Variants in MEI4 observed in about 807,000 individuals in gnomAD.
MEI4 encodes the protein meiotic double-stranded break formation protein 4, also known as meiosis-specific protein MEI4.
MEI4 carries 27 observed loss-of-function variants against 31.4 expected under a neutral mutation model. That is an observed-to-expected ratio of 0.86 (90% CI 0.63 to 1.19). The LOEUF (loss-of-function observed/expected upper bound fraction) is 1.19. Ranked by LOEUF, MEI4 falls within the 50% of genes most tolerant of loss-of-function variation. The pLI, the probability that MEI4 is intolerant of heterozygous loss-of-function variation, is 0.00. For synonymous variants in MEI4, 122 were observed against 145.4 expected, an observed-to-expected ratio of 0.84 and a Z score of 1.16; for missense variants, 329 against 398.9, an observed-to-expected ratio of 0.82 and a Z score of 1.49.
intron 4 of MEI4, among the ~76,000 whole-genome samples, chr6:77,898,551 T>C (rs1389532637): frequency 6.6e-6 from 1 of 152,098 alleles, no homozygotes; most frequent in African/African-American, 2.4e-5. Context: ...AAATATTTTC[T>C]TTCACTTATT....
intron 4 of MEI4, among the ~76,000 whole-genome samples, chr6:77,910,959 C>A (rs1288441008): frequency 3.4e-5 from 5 of 148,380 alleles, no homozygotes; most frequent in Non-Finnish European, 7.4e-5. Context: ...TTAATCATAG[C>A]CATTCTAACT....
At chr6:77,869,699 A>T (rs1324699921) in intron 4 of MEI4, among the ~76,000 whole-genome samples, 1 of 152,162 alleles carries the variant, frequency 6.6e-6, no homozygotes, top group Non-Finnish European at 1.5e-5. Context: ...CACAGTTAGG[A>T]TGGACCTCTC....
chr6:77,794,174 T>C (rs1769015467), intron 3 of MEI4, among the ~76,000 whole-genome samples: 2 of 152,262 alleles, frequency 1.3e-5, no homozygotes, highest in East Asian at 3.9e-4. Flanking sequence ...GACAAAAGAA[T>C]CTTTTATTCT....
chr6:77,706,350 A>T (rs570683970), intron 2 of MEI4, among the ~76,000 whole-genome samples: 1 of 152,278 alleles, frequency 6.6e-6, no homozygotes, highest in Non-Finnish European at 1.5e-5. Context: ...AAATCCAAAC[A>T]GACAGGCCTT....
Position 77,923,172 on chromosome 6 carries a change from CG to C in MEI4, c.985del (p.Glu329LysfsTer8). The C allele has an allele frequency of 8.1e-7, 1 of 1,230,298 alleles. No homozygotes were observed. The highest frequency in any genetic ancestry group is 1.0e-6 in the Non-Finnish European group (1 of 986,798). 76.2% of individuals were successfully genotyped at this position (1,230,298 alleles called of 1,614,324 possible). On this transcript the variant is annotated frameshift_variant, in exon 5 of 5. Transcript: ENST00000684080. LOFTEE classifies it high-confidence loss of function. ...TGGAGCAGCTTCTTCAAAAGGAAAC[CG>C]AAGAAGGCAACACTTCAAGTATAGG... ...VLEQLLQKET[E>X]EGNTSSIGHD...
At chr6:77,690,094 T>C (rs1330318329) in intron 1 of MEI4, among the ~76,000 whole-genome samples, 1 of 151,958 alleles carries the variant, frequency 6.6e-6, no homozygotes, top group Admixed American at 6.6e-5. Flanking sequence ...ATGATGCAAA[T>C]ATTTAAAAGA....
intron 2 of MEI4, among the ~76,000 whole-genome samples, chr6:77,751,058 T>C (rs1767758898): frequency 6.6e-6 from 1 of 152,158 alleles, no homozygotes; most frequent in Non-Finnish European, 1.5e-5. Context: ...AAAGATGTTC[T>C]TTGAAACCAA....
intron 3 of MEI4, among the ~76,000 whole-genome samples, chr6:77,789,621 A>G (rs929433287): frequency 6.6e-6 from 1 of 152,222 alleles, no homozygotes; most frequent in Non-Finnish European, 1.5e-5. Flanking sequence ...TCTCAAAAGA[A>G]GACATGTATG....
chr6:77,702,911 ATTCT>A (rs1218399050), intron 2 of MEI4, among the ~76,000 whole-genome samples: 14 of 151,918 alleles, frequency 9.2e-5, no homozygotes, highest in African/African-American at 3.1e-4. Flanking sequence ...GCTGTGTACT[ATTCT>A]TTCTTTTGTC....
intron 4 of MEI4, among the ~76,000 whole-genome samples, chr6:77,858,329 G>C (rs1770789208): frequency 6.6e-6 from 1 of 151,988 alleles, no homozygotes; most frequent in Non-Finnish European, 1.5e-5. Context: ...ATGCATTAAT[G>C]CTCAAAGGCA....
chr6:77,827,041 T>A (rs182515588), intron 3 of MEI4, among the ~76,000 whole-genome samples: 1 of 152,180 alleles, frequency 6.6e-6, no homozygotes, highest in East Asian at 1.9e-4. Context: ...GCAACCAAGG[T>A]AGCTGCTACT....
At chr6:77,880,495 G>A (rs1269526620) in intron 4 of MEI4, among the ~76,000 whole-genome samples, 2 of 152,110 alleles carry the variant, frequency 1.3e-5, no homozygotes, top group Non-Finnish European at 1.5e-5. Flanking sequence ...TTTGTATAAA[G>A]AATATGTTAT....
intron 3 of MEI4, among the ~76,000 whole-genome samples, chr6:77,827,610 G>C (rs1048536376): frequency 1.3e-5 from 2 of 152,050 alleles, no homozygotes; most frequent in Non-Finnish European, 2.9e-5. Context: ...TAGTTCTCCA[G>C]CTTCTTAAAT....
chr6:77,838,328 TA>T (rs954919337), intron 4 of MEI4, among the ~76,000 whole-genome samples: 1 of 152,072 alleles, frequency 6.6e-6, no homozygotes, highest in African/African-American at 2.4e-5. Context: ...ATTTAAGAAA[TA>T]TTTTGGAGAG....
intron 2 of MEI4, among the ~76,000 whole-genome samples, chr6:77,734,526 T>G (rs559019415): frequency 6.6e-6 from 1 of 152,194 alleles, no homozygotes. Context: ...TGAGCCTATT[T>G]GTGTCTCTGC....
At chr6:77,745,463 C>T (rs1254631021) in intron 2 of MEI4, among the ~76,000 whole-genome samples, 4 of 152,178 alleles carry the variant, frequency 2.6e-5, no homozygotes, top group Non-Finnish European at 5.9e-5. Context: ...CACCCAGATT[C>T]ATAAAGCAAG....
chr6:77,868,502 C>CATATATATATATATATATACATATAT (rs1771109407), intron 4 of MEI4, among the ~76,000 whole-genome samples: 1 of 90,066 alleles, frequency 1.1e-5, no homozygotes, highest in Admixed American at 1.5e-4. Context: ...AAAAATACTA[C>CATATATATATATATATATACATATAT]ATATATATAT....
intron 2 of MEI4, among the ~76,000 whole-genome samples, chr6:77,744,205 A>T (rs1243634261): frequency 1.3e-5 from 2 of 152,186 alleles, no homozygotes; most frequent in Non-Finnish European, 2.9e-5. Context: ...AAAGGCAAAG[A>T]AGTTAAAAGC....
At chr6:77,657,099 C>A (rs1403073480) in intron 1 of MEI4, among the ~76,000 whole-genome samples, 1 of 152,144 alleles carries the variant, frequency 6.6e-6, no homozygotes, top group African/African-American at 2.4e-5. Flanking sequence ...GACAAATTCC[C>A]AGTTTCTCAT....
Sources: gnomAD v4.1 joint callset for allele counts (sites outside exome capture counted in the v4.1 genomes callset) on GRCh38, gnomAD v4.1.1 for gene constraint, MANE v1.5 for transcripts, NCBI Gene and HGNC (gene_info 2026-07-23, HGNC 2026-07-21) for gene names.